Variants in CHD1L observed in about 807,000 individuals in gnomAD.
The protein encoded by CHD1L is ATP-dependent chromatin remodeler CHD1L.
A neutral mutation model predicts 115.9 loss-of-function variants in CHD1L; 118 were observed. The observed-to-expected ratio is 1.02, with a 90% CI of 0.88 to 1.19. The LOEUF (loss-of-function observed/expected upper bound fraction) is 1.19. Among genes scored for constraint, CHD1L ranks in the 50% most tolerant of loss-of-function variants. CHD1L has a pLI of 0.00. For synonymous variants in CHD1L, 411 were observed against 387.1 expected, an observed-to-expected ratio of 1.06 and a Z score of -0.72; for missense variants, 1,179 against 1,065.3, an observed-to-expected ratio of 1.11 and a Z score of -1.49.
chr1:147,283,063 A>G (rs1681547499), intron 15 of CHD1L, among the ~76,000 whole-genome samples: 1 of 151,382 alleles, frequency 6.6e-6, no homozygotes, highest in Non-Finnish European at 1.5e-5. Context: ...ATTAAATAAA[A>G]AACAGGGTTG....
intron 14 of CHD1L, among the ~76,000 whole-genome samples, chr1:147,278,366 A>G (rs1679424116): frequency 1.3e-5 from 2 of 150,580 alleles, no homozygotes; most frequent in South Asian, 2.1e-4. Context: ...CTGGGACTAC[A>G]GGCGCGCACC....
chr1:147,268,719 C>T, intron 9 of CHD1L, 63 bp from the exon 10 acceptor site: 1 of 1,332,456 alleles, frequency 7.5e-7, no homozygotes, highest in Non-Finnish European at 1.1e-6. Flanking sequence ...TTCCTGTAGC[C>T]TAGCTACTGG....
chr1:147,187,098 G>A, the CHD1L span: 5 of 1,614,136 alleles, frequency 3.1e-6, no homozygotes, highest in Non-Finnish European at 4.2e-6. Context: ...GGATTGGAGT[G>A]CAGGGTCCCA....
rs1673185622 is a variant in CHD1L, at chr1:147,264,602, A to C, written c.739+18A>C. 4 of 1,610,636 alleles carry C rather than the reference A, an allele frequency of 2.5e-6. No homozygotes were observed. Among genetic ancestry groups the C allele is most frequent in the Non-Finnish European group, 2.5e-6 (3 of 1,178,564 alleles). ...TGAGTCAGGCAAGTTCCTTTCCTGCAAATCATCCCCAAGAAGCCTTGGCAC... is the reference window on the plus strand; with the variant it reads ...TGAGTCAGGCAAGTTCCTTTCCTGCCAATCATCCCCAAGAAGCCTTGGCAC... On this transcript the variant is annotated intron_variant, in intron 7 of 22. Transcript: ENST00000369258.
intron 16 of CHD1L, 59 bp from the exon 17 acceptor site, chr1:147,285,265 T>G: frequency 6.4e-7 from 1 of 1,552,038 alleles, no homozygotes; most frequent in Non-Finnish European, 8.8e-7. Context: ...GTGTTAGGGA[T>G]AATGAAATTC....
At chr1:147,179,192 AT>A in the CHD1L span, 25 of 1,614,022 alleles carry the variant, frequency 1.5e-5, no homozygotes, top group Admixed American at 8.3e-5. Context: ...TTTGATGGCA[AT>A]CTGAAGAGAT....
chr1:147,269,021 C>T (rs191536936), intron 10 of CHD1L, 143 bp downstream of exon 10: 121 of 561,906 alleles, frequency 2.2e-4, no homozygotes, highest in Middle Eastern at 5.7e-4. Flanking sequence ...TCTGTGACTA[C>T]ACTCCCACCC....
the CHD1L span, among the ~76,000 whole-genome samples, chr1:147,233,470 TGG>T: frequency 1.7e-4 from 20 of 114,750 alleles, no homozygotes; most frequent in African/African-American, 6.9e-4. Context: ...GGGAGGGAGG[TGG>T]GGGGGGTCAG....
At chr1:147,251,688 C>T (rs1668460335) in intron 1 of CHD1L, among the ~76,000 whole-genome samples, 1 of 151,922 alleles carries the variant, frequency 6.6e-6, no homozygotes, top group Admixed American at 6.6e-5. Context: ...CGCCACTACA[C>T]CCAGCTAATT....
chr1:147,179,995 G>A, the CHD1L span, among the ~76,000 whole-genome samples: 12 of 150,296 alleles, frequency 8.0e-5, no homozygotes, highest in East Asian at 5.8e-4. Flanking sequence ...TTACTTAATC[G>A]TATAATATCA....
the CHD1L span, among the ~76,000 whole-genome samples, chr1:147,185,424 T>A: frequency 2.8e-4 from 43 of 152,146 alleles, no homozygotes; most frequent in Non-Finnish European, 5.0e-4. Context: ...TAGGTCCATT[T>A]TAATAGATGA....
In CHD1L at chr1:147,294,398, C is replaced by T. The variant is rs781841456; in HGVS notation, c.2507-11C>T. ...GATGAGTGAAGACATGTGTTCTTCT[C>T]TTCATAATAGCAAGTGTTCATCTTC... is the stretch of plus-strand genomic sequence containing the variant. On this transcript the variant is annotated splice_polypyrimidine_tract_variant and intron_variant, in intron 21 of 22. Transcript: ENST00000369258. 2.0e-5 allele frequency: 32 copies of T among 1,602,276 alleles called. No individual in the cohort carries two copies. Among genetic ancestry groups the T allele is most frequent in the Non-Finnish European group, 2.6e-5 (31 of 1,173,122 alleles).
chr1:147,270,572 GTATT>G lies in CHD1L; in HGVS notation c.1086-354_1086-351del, dbSNP rs587694652. 3.4e-4 allele frequency among the ~76,000 whole-genome samples: 52 copies of G among 151,384 alleles called. No homozygotes were observed. The South Asian group carries it at 0.01, about 30-fold the overall frequency. On this transcript the variant is annotated intron_variant, in intron 10 of 22. Coordinates refer to ENST00000369258, the MANE Select transcript of CHD1L (RefSeq NM_004284.6). The stretch of plus-strand genomic sequence containing the variant: ...TTTGCATTTTACTCTTCACATATCT[GTATT>G]TATTTTGCTACTAAAATGAAAGCTT...
At chr1:147,256,201 T>G (rs1559755190) in intron 4 of CHD1L, among the ~76,000 whole-genome samples, 1 of 152,058 alleles carries the variant, frequency 6.6e-6, no homozygotes, top group Non-Finnish European at 1.5e-5. Context: ...TGAACAGAAG[T>G]CAGGCAGGCA....
the CHD1L span, among the ~76,000 whole-genome samples, chr1:147,227,458 G>A: frequency 2.6e-5 from 4 of 152,044 alleles, no homozygotes; most frequent in Non-Finnish European, 5.9e-5. Flanking sequence ...TACTTCAATT[G>A]TGTCTTATAA....
rs1188791206 is a variant in CHD1L, at chr1:147,249,606, A to G, written c.128-3017A>G. 5.3e-5 allele frequency among the ~76,000 whole-genome samples: 8 copies of G among 151,990 alleles called. No individual in the cohort carries two copies. In the South Asian group the frequency reaches 1.2e-3, roughly 24 times the overall value. On this transcript the variant is annotated intron_variant, in intron 1 of 22. Coordinates refer to ENST00000369258, the MANE Select transcript of CHD1L (RefSeq NM_004284.6). Reference sequence around the variant, plus strand: ...TTTTTAGTAGAGATGGGGTTTCACCATGTTGGCCAGGATGGTCTCAATCTC... The same window carrying G: ...TTTTTAGTAGAGATGGGGTTTCACCGTGTTGGCCAGGATGGTCTCAATCTC...
the CHD1L span, among the ~76,000 whole-genome samples, chr1:147,177,954 G>C: frequency 6.6e-6 from 1 of 152,140 alleles, no homozygotes; most frequent in Non-Finnish European, 1.5e-5. Context: ...GGACACTAAG[G>C]AGACTTAACA....
intron 10 of CHD1L, 38 bp from the exon 11 acceptor site, chr1:147,270,894 C>G (rs782568054): frequency 1.9e-6 from 3 of 1,582,130 alleles, no homozygotes; most frequent in African/African-American, 2.7e-5. Flanking sequence ...TTAAATACCA[C>G]TAGACTTGGC....
At chr1:147,290,896 T>TC (rs1411652891) in intron 19 of CHD1L, among the ~76,000 whole-genome samples, 1 of 152,188 alleles carries the variant, frequency 6.6e-6, no homozygotes, top group Non-Finnish European at 1.5e-5. Context: ...CCAGCAATCC[T>TC]CCCACCTCAG....
Sources: gnomAD v4.1 joint callset for allele counts (sites outside exome capture counted in the v4.1 genomes callset) on GRCh38, gnomAD v4.1.1 for gene constraint, MANE v1.5 for transcripts, NCBI Gene and HGNC (gene_info 2026-07-23, HGNC 2026-07-21) for gene names.